ZFYVE26: variants seen among roughly 807,000 people sequenced by gnomAD.
ZFYVE26 encodes zinc finger FYVE-type containing 26.
Under a neutral mutation model 276.5 loss-of-function variants are expected in ZFYVE26, and 181 were observed. That is an observed-to-expected ratio of 0.65 (90% CI 0.58 to 0.74). ZFYVE26 has a LOEUF of 0.74. Ranked by LOEUF, ZFYVE26 falls within the 30% of genes least tolerant of loss-of-function variation. The pLI is 0.00. For synonymous variants in ZFYVE26, 1,129 were observed against 1,203.1 expected, an observed-to-expected ratio of 0.94 and a Z score of 1.27; for missense variants, 2,821 against 3,097.9, an observed-to-expected ratio of 0.91 and a Z score of 2.12.
At chr14:67,800,134 T>C (rs2040047887) in intron 10 of ZFYVE26, among the ~76,000 whole-genome samples, 1 of 152,224 alleles carries the variant, frequency 6.6e-6, no homozygotes, top group Admixed American at 6.5e-5. Flanking sequence ...CTTTAAGCAT[T>C]TTTGTAAGAG....
Position 67,793,638 on chromosome 14 carries a change from G to C in ZFYVE26, c.2523C>G (p.Ile841Met), listed in dbSNP as rs759038742. ...GGGCTTCTGCGAAGTTCCCGCGAAG[G>C]ATGCAGGATGCCAGCAGTGACTCAG... ...SPPESLLASC[I>M]LRGNFAEAHQ... The change falls in exon 14 of 42, where the codon ATC becomes ATG. Residue 841 changes from isoleucine to methionine, a missense_variant. By Grantham distance (10) the Ile-to-Met change is conservative (BLOSUM62 1). Transcript: ENST00000347230. 6.2e-7 allele frequency: 1 copy of C among 1,613,776 alleles called. No homozygotes were observed. The highest frequency in any genetic ancestry group is 8.5e-7 in the Non-Finnish European group (1 of 1,179,826).
intron 13 of ZFYVE26, chr14:67,734,125 T>A: frequency 2.9e-6 from 1 of 346,294 alleles, no homozygotes; most frequent in East Asian, 6.7e-5. Flanking sequence ...GATCCCAGGC[T>A]GGGCATGGGG....
At chr14:67,750,598 G>C (rs887186188) in intron 41 of ZFYVE26, 4 of 220,290 alleles carry the variant, frequency 1.8e-5, no homozygotes, top group Non-Finnish European at 3.7e-5. Flanking sequence ...TCATTCTGGA[G>C]ACCGAGACAT....
At chr14:67,735,465 G>T in intron 13 of ZFYVE26, 1 of 581,956 alleles carries the variant, frequency 1.7e-6, no homozygotes, top group Non-Finnish European at 3.1e-6. Flanking sequence ...CAATGCCGGG[G>T]GATTGGTGGC....
Position 67,797,682 on chromosome 14 carries a change from CCTT to C in ZFYVE26, c.2319_2321del (p.Arg774del). The stretch of plus-strand genomic sequence containing the variant: ...AGCTCTTCAGATTACCTGCCTGGCT[CCTT>C]CTTGTCCGACGACCCCGGCGGAGAC... On this transcript the variant is annotated inframe_deletion, in exon 12 of 42. Transcript: ENST00000347230. 1 of 1,614,162 alleles carries C rather than the reference CCTT, an allele frequency of 6.2e-7. No homozygotes were observed. Among genetic ancestry groups the C allele is most frequent in the Non-Finnish European group, 8.5e-7 (1 of 1,180,028 alleles).
chr14:67,741,147 T>A (rs1331559876), intron 13 of ZFYVE26, among the ~76,000 whole-genome samples: 1 of 152,196 alleles, frequency 6.6e-6, no homozygotes, highest in Non-Finnish European at 1.5e-5. Context: ...ATCCTCCCTA[T>A]GCTCAGAAGC....
chr14:67,802,983 C>A (rs896677923), intron 9 of ZFYVE26, among the ~76,000 whole-genome samples: 18 of 152,294 alleles, frequency 1.2e-4, no homozygotes, highest in African/African-American at 4.3e-4. Flanking sequence ...GAAATGTATA[C>A]ATTCCACAAT....
At position 67,806,648 on chromosome 14, in the gene ZFYVE26, C is replaced by T. The variant is rs201954314; in HGVS notation, c.914G>A (p.Arg305Gln). The T allele has an allele frequency of 4.4e-5, 71 of 1,614,170 alleles. No homozygotes were observed. The highest frequency in any genetic ancestry group is 3.0e-4 in the Admixed American group (18 of 60,014). Reference sequence around the variant, plus strand: ...ATTGGAGAACAGGGCTAGCATTGCCCGCTCAGGATCTAGATGATCCGGTGA... The same window carrying T: ...ATTGGAGAACAGGGCTAGCATTGCCTGCTCAGGATCTAGATGATCCGGTGA... ...KVSPDHLDPERAMLALFSNPN... is the reference protein window; with the variant it reads ...KVSPDHLDPEQAMLALFSNPN... The change falls in exon 6 of 42, where the codon CGG (arginine) becomes CAG (glutamine). Residue 305 changes from arginine (R) to glutamine (Q), a missense_variant. Transcript: ENST00000347230.
At chr14:67,811,482 T>TA in intron 3 of ZFYVE26, among the ~76,000 whole-genome samples, 1 of 152,230 alleles carries the variant, frequency 6.6e-6, no homozygotes. Flanking sequence ...CCATCTGGGC[T>TA]AAAAAAGTAG....
rs758491389 is a variant in ZFYVE26 at position 67,784,388 on chromosome 14, C to A, written c.3572G>T (p.Ser1191Ile). 1 of 1,614,092 alleles carries A rather than the reference C, an allele frequency of 6.2e-7. No individual in the cohort carries two copies. The highest frequency in any genetic ancestry group is 1.6e-4 in the Middle Eastern group (1 of 6,062). Residue 1191 changes from serine to isoleucine, a missense_variant, in exon 20 of 42, where the codon AGC becomes ATC. By Grantham distance (142) the Ser-to-Ile change is moderately radical. Coordinates refer to ENST00000347230, the MANE Select transcript of ZFYVE26 (RefSeq NM_015346.4). ...GAGATGTGACACCAGTTGGGAAGAGCTCTGTTGCAGCAGAACAAAGGGATT... is the reference window on the plus strand; with the variant it reads ...GAGATGTGACACCAGTTGGGAAGAGATCTGTTGCAGCAGAACAAAGGGATT... Reference protein sequence around the residue: ...VGNPFVLLQQSSSQLVSHLLF... With the variant: ...VGNPFVLLQQISSQLVSHLLF...
intron 9 of ZFYVE26, among the ~76,000 whole-genome samples, chr14:67,803,303 G>A (rs1350748853): frequency 6.6e-6 from 1 of 152,136 alleles, no homozygotes; most frequent in Non-Finnish European, 1.5e-5. Flanking sequence ...TTTAAGCAAA[G>A]ATCTTAGGTT....
intron 33 of ZFYVE26, 80 bp from the exon 34 acceptor site, chr14:67,762,492 G>C: frequency 6.5e-7 from 1 of 1,543,910 alleles, no homozygotes; most frequent in South Asian, 1.2e-5. Context: ...CTATTCCCAA[G>C]TTGCCAACCA....
chr14:67,753,985 T>C (rs1207534501), intron 38 of ZFYVE26, 86 bp downstream of exon 38: 1 of 1,606,002 alleles, frequency 6.2e-7, no homozygotes, highest in African/African-American at 1.3e-5. Context: ...AACAAACAAC[T>C]GAAATAATCA....
chr14:67,810,162 C>G (rs888136900), intron 3 of ZFYVE26, among the ~76,000 whole-genome samples: 2 of 152,234 alleles, frequency 1.3e-5, no homozygotes, highest in Non-Finnish European at 2.9e-5. Context: ...AAAGCCCACA[C>G]TGATCAGCCG....
At chr14:67,736,457 C>A (rs1164629904) in intron 13 of ZFYVE26, among the ~76,000 whole-genome samples, 1 of 151,962 alleles carries the variant, frequency 6.6e-6, no homozygotes, top group Non-Finnish European at 1.5e-5. Context: ...CCAAATGAAA[C>A]ATAAAGTTAG....
intron 12 of ZFYVE26, 82 bp from the exon 13 acceptor site, chr14:67,794,321 G>T: frequency 7.7e-7 from 1 of 1,304,012 alleles, no homozygotes; most frequent in Non-Finnish European, 1.1e-6. Context: ...TGACAGCCAA[G>T]ATCTGTGTAG....
intron 30 of ZFYVE26, 27 bp from the exon 31 acceptor site, chr14:67,767,867 T>G: frequency 3.1e-6 from 5 of 1,614,084 alleles, no homozygotes; most frequent in Non-Finnish European, 4.2e-6. Context: ...CATTCATGTG[T>G]CATTCACTGG....
chr14:67,800,335 T>A (rs770029800), intron 10 of ZFYVE26, among the ~76,000 whole-genome samples: 15 of 152,226 alleles, frequency 9.9e-5, no homozygotes, highest in Non-Finnish European at 1.8e-4. Flanking sequence ...ATGTATGTTA[T>A]AGTCCTGCCA....
rs544111348 is a variant in ZFYVE26 at position 67,733,387 on chromosome 14, A to G, written n.2680-3568T>C. 3.9e-5 allele frequency among the ~76,000 whole-genome samples: 6 copies of G among 152,344 alleles called. No individual in the cohort carries two copies. The East Asian group carries it at 9.6e-4, about 24-fold the overall frequency. ...ACGAATGTAGGCACTGAACTGTAGT[A>G]GTAGTAGTGATACCTGTGACTTTGT... On this transcript the variant is annotated intron_variant and non_coding_transcript_variant, in intron 13 of 14. Transcript: ENST00000394455.
Sources: gnomAD v4.1 joint callset for allele counts (sites outside exome capture counted in the v4.1 genomes callset) on GRCh38, gnomAD v4.1.1 for gene constraint, MANE v1.5 for transcripts, NCBI Gene and HGNC (gene_info 2026-07-23, HGNC 2026-07-21) for gene names.